The following HDAC9 variants were observed in gnomAD, a reference collection of about 807,000 sequenced individuals.
The protein encoded by HDAC9 is histone deacetylase 9.
Under a neutral mutation model 139.4 loss-of-function variants are expected in HDAC9, and 41 were observed. The ratio of observed to expected loss-of-function variants is 0.29; its 90% confidence interval spans 0.23 to 0.38. The LOEUF (loss-of-function observed/expected upper bound fraction) is 0.38, where lower values mean the gene tolerates loss of function less well. HDAC9 is among the 10% of genes least tolerant of loss of function. The probability of loss-of-function intolerance (pLI) is 1.00; values close to 1 mark genes in which losing one functional copy is unlikely to be tolerated. For missense variants in HDAC9, 1,147 were observed against 1,297.0 expected (o/e 0.88, Z 1.78); for synonymous variants, 517 against 476.2 (o/e 1.09, Z -1.12).
At chr7:18,390,062 A>G (rs935854669) in intron 1 of HDAC9, among the ~76,000 whole-genome samples, 1 of 150,250 alleles carries the variant, frequency 6.7e-6, no homozygotes, top group Non-Finnish European at 1.5e-5. Flanking sequence ...ACACACACAC[A>G]CACACACACA....
chr7:18,402,575 G>A (rs1787645167), intron 1 of HDAC9, among the ~76,000 whole-genome samples: 4 of 152,186 alleles, frequency 2.6e-5, no homozygotes, highest in Admixed American at 2.0e-4. Context: ...AAGCTAAGGA[G>A]CTGGACTTTT....
intron 2 of HDAC9, among the ~76,000 whole-genome samples, chr7:18,198,970 G>T (rs1448017841): frequency 2.0e-5 from 3 of 152,044 alleles, no homozygotes; most frequent in African/African-American, 7.2e-5. Flanking sequence ...GTATGCAGGG[G>T]TACTCTCCAT....
At chr7:18,730,356 G>C (rs1260366029) in intron 13 of HDAC9, among the ~76,000 whole-genome samples, 1 of 152,150 alleles carries the variant, frequency 6.6e-6, no homozygotes, top group Non-Finnish European at 1.5e-5. Flanking sequence ...CTTGATTTCA[G>C]ATGAGAACTG....
intron 1 of HDAC9, among the ~76,000 whole-genome samples, chr7:18,138,527 GGTGTGTGT>G (rs71014309): frequency 8.1e-4 from 116 of 142,664 alleles, no homozygotes; most frequent in Admixed American, 8.5e-4. Context: ...GAGAGAGAGA[GGTGTGTGT>G]GTGTGTGTGT....
chr7:18,201,571 G>A (rs749306911), intron 2 of HDAC9, among the ~76,000 whole-genome samples: 2 of 152,192 alleles, frequency 1.3e-5, no homozygotes, highest in Non-Finnish European at 2.9e-5. Context: ...TAGCTGAGCA[G>A]CACCTCTGAG....
chr7:18,872,496 TG>T (rs1799002687), intron 21 of HDAC9, among the ~76,000 whole-genome samples: 1 of 152,254 alleles, frequency 6.6e-6, no homozygotes, highest in East Asian at 1.9e-4. Flanking sequence ...TAAAGGTGAA[TG>T]GGGCTTTTTG....
At chr7:18,189,837 A>C (rs1253505669) in intron 2 of HDAC9, among the ~76,000 whole-genome samples, 2 of 152,274 alleles carry the variant, frequency 1.3e-5, no homozygotes, top group East Asian at 3.9e-4. Context: ...TGTTTTTCTC[A>C]CATTTTTAAG....
intron 1 of HDAC9, among the ~76,000 whole-genome samples, chr7:18,157,415 C>T (rs1175757635): frequency 6.6e-6 from 1 of 152,094 alleles, no homozygotes; most frequent in Non-Finnish European, 1.5e-5. Context: ...TGAATACCAA[C>T]TAAGGAGCTG....
At chr7:18,697,628 T>C (rs991753520) in intron 12 of HDAC9, among the ~76,000 whole-genome samples, 4 of 152,206 alleles carry the variant, frequency 2.6e-5, no homozygotes, top group African/African-American at 9.6e-5. Context: ...GCTAATCTTT[T>C]AGACACTGAT....
At chr7:18,908,319 A>C (rs1244306663) in intron 22 of HDAC9, among the ~76,000 whole-genome samples, 1 of 152,126 alleles carries the variant, frequency 6.6e-6, no homozygotes, top group South Asian at 2.1e-4. Context: ...TACAGTGTGT[A>C]ATGATTAAAT....
At chr7:18,301,355 A>G (rs189531488) in intron 1 of HDAC9, among the ~76,000 whole-genome samples, 3 of 152,148 alleles carry the variant, frequency 2.0e-5, no homozygotes, top group Admixed American at 1.3e-4. Context: ...GCATTTTATG[A>G]TAGAGCAGGA....
At chr7:18,700,475 T>G (rs1783388258) in intron 12 of HDAC9, among the ~76,000 whole-genome samples, 2 of 152,230 alleles carry the variant, frequency 1.3e-5, no homozygotes, top group Non-Finnish European at 2.9e-5. Context: ...TGGGGCTATC[T>G]CTCACCTCTG....
At chr7:18,632,062 AATGGAAATGAT>A (rs1285124931) in intron 7 of HDAC9, among the ~76,000 whole-genome samples, 2 of 151,834 alleles carry the variant, frequency 1.3e-5, no homozygotes, top group African/African-American at 2.4e-5. Context: ...AAAATATGGA[AATGGAAATGAT>A]ATGGAAATGA....
intron 17 of HDAC9, among the ~76,000 whole-genome samples, chr7:18,811,080 A>T (rs1794136710): frequency 6.6e-6 from 1 of 151,744 alleles, no homozygotes; most frequent in Non-Finnish European, 1.5e-5. Context: ...TTACCACTTT[A>T]TTTGTGGAAT....
intron 13 of HDAC9, among the ~76,000 whole-genome samples, chr7:18,744,876 G>C (rs1478949192): frequency 6.6e-6 from 1 of 151,746 alleles, no homozygotes; most frequent in Non-Finnish European, 1.5e-5. Context: ...TATATAATAC[G>C]TATTTTCTAC....
intron 2 of HDAC9, among the ~76,000 whole-genome samples, chr7:18,222,365 C>G (rs905938525): frequency 6.6e-6 from 1 of 152,070 alleles, no homozygotes. Flanking sequence ...CTTATTAAAC[C>G]TAAGCAACGT....
intron 12 of HDAC9, chr7:18,668,284 T>C: frequency 1.0e-6 from 1 of 960,234 alleles, no homozygotes; most frequent in Admixed American, 6.2e-5. Context: ...ATCACCAACA[T>C]ATTTTGGTTA....
intron 12 of HDAC9, among the ~76,000 whole-genome samples, chr7:18,670,561 C>T (rs1333854054): frequency 6.6e-6 from 1 of 152,038 alleles, no homozygotes; most frequent in Non-Finnish European, 1.5e-5. Context: ...TCACAATAAC[C>T]TGATGAAGGA....
intron 25 of HDAC9, among the ~76,000 whole-genome samples, chr7:18,994,015 C>T (rs1238435177): frequency 6.6e-6 from 1 of 152,178 alleles, no homozygotes; most frequent in Non-Finnish European, 1.5e-5. Flanking sequence ...ACCAAAGAGG[C>T]TTAATTTTTG....
Sources: gnomAD v4.1 joint callset for allele counts (sites outside exome capture counted in the v4.1 genomes callset) on GRCh38, gnomAD v4.1.1 for gene constraint, MANE v1.5 for transcripts, NCBI Gene and HGNC (gene_info 2026-07-23, HGNC 2026-07-21) for gene names.